Variants in ANGPT1 observed in about 807,000 individuals in gnomAD.
ANGPT1 encodes the protein angiopoietin-1.
ANGPT1 carries 17 observed loss-of-function variants against 62.2 expected under a neutral mutation model. The ratio of observed to expected loss-of-function variants is 0.27; its 90% CI spans 0.19 to 0.41. The LOEUF is 0.41. Among genes scored for constraint, ANGPT1 ranks in the 10% least tolerant of loss-of-function variants. The pLI, the probability that ANGPT1 is intolerant of heterozygous loss-of-function variation, is 1.00. For missense variants in ANGPT1, 478 were observed against 594.9 expected (o/e 0.80, Z 2.04); for synonymous variants, 199 against 198.9 (o/e 1.00, Z 0.00).
At chr8:107,339,504 T>A (rs1034706840) in intron 2 of ANGPT1, among the ~76,000 whole-genome samples, 1 of 152,186 alleles carries the variant, frequency 6.6e-6, no homozygotes, top group Non-Finnish European at 1.5e-5. Context: ...CTTCTCATCA[T>A]CTTAGAGAGT....
intron 8 of ANGPT1, among the ~76,000 whole-genome samples, chr8:107,258,310 C>T (rs796518370): frequency 3.9e-5 from 6 of 152,238 alleles, no homozygotes; most frequent in African/African-American, 1.4e-4. Flanking sequence ...AATTATCTAA[C>T]TTTTCTGTAT....
chr8:107,430,819 C>T (rs943991578), intron 1 of ANGPT1, among the ~76,000 whole-genome samples: 34 of 152,200 alleles, frequency 2.2e-4, no homozygotes, highest in African/African-American at 7.5e-4. Context: ...TGGTTGACTA[C>T]ATTTGAGACA....
intron 2 of ANGPT1, among the ~76,000 whole-genome samples, chr8:107,339,928 T>C (rs1815658553): frequency 6.6e-6 from 1 of 152,206 alleles, no homozygotes; most frequent in Non-Finnish European, 1.5e-5. Context: ...CCAGGCTAAA[T>C]GCCGATCTAA....
At chr8:107,390,535 G>A (rs1378049408) in intron 1 of ANGPT1, among the ~76,000 whole-genome samples, 3 of 152,122 alleles carry the variant, frequency 2.0e-5, no homozygotes, top group Non-Finnish European at 2.9e-5. Flanking sequence ...AAAATCATAC[G>A]TGGGATTAAA....
chr8:107,344,582 A>G (rs1815763766), intron 2 of ANGPT1, among the ~76,000 whole-genome samples: 1 of 152,232 alleles, frequency 6.6e-6, no homozygotes, highest in Non-Finnish European at 1.5e-5. Context: ...TTGTTAAGTC[A>G]TAAATCTAGA....
chr8:107,290,804 G>T (rs1167631391), intron 6 of ANGPT1, among the ~76,000 whole-genome samples: 2 of 152,122 alleles, frequency 1.3e-5, no homozygotes, highest in Admixed American at 1.3e-4. Flanking sequence ...CATAAAACAT[G>T]ATGATTAAAG....
intron 8 of ANGPT1, among the ~76,000 whole-genome samples, chr8:107,256,856 G>T (rs1302441686): frequency 1.3e-5 from 2 of 150,890 alleles, no homozygotes; most frequent in South Asian, 2.1e-4. Context: ...TTTTTTTTTT[G>T]TTTTGTTTTG....
At chr8:107,420,973 T>G (rs891921344) in intron 1 of ANGPT1, among the ~76,000 whole-genome samples, 3 of 152,124 alleles carry the variant, frequency 2.0e-5, no homozygotes, top group Non-Finnish European at 2.9e-5. Flanking sequence ...ATACATAAAT[T>G]GAAATTTATG....
chr8:107,394,301 A>T (rs1816891997), intron 1 of ANGPT1, among the ~76,000 whole-genome samples: 1 of 152,100 alleles, frequency 6.6e-6, no homozygotes, highest in Admixed American at 6.5e-5. Flanking sequence ...CTTCTAGTTG[A>T]CTCTTACTAG....
intron 1 of ANGPT1, among the ~76,000 whole-genome samples, chr8:107,449,407 C>CACAT (rs1190361244): frequency 2.4e-5 from 3 of 127,158 alleles, no homozygotes; most frequent in African/African-American, 8.6e-5. Flanking sequence ...CATGCACACA[C>CACAT]ACACACACAC....
intron 7 of ANGPT1, among the ~76,000 whole-genome samples, chr8:107,271,010 A>C (rs2130068696): frequency 6.6e-6 from 1 of 152,164 alleles, no homozygotes; most frequent in South Asian, 2.1e-4. Context: ...GTACAAAATA[A>C]GTACGAATGA....
At chr8:107,371,455 T>C (rs188266687) in intron 1 of ANGPT1, among the ~76,000 whole-genome samples, 71 of 152,228 alleles carry the variant, frequency 4.7e-4, no homozygotes, top group African/African-American at 1.7e-3. Context: ...GAAGCTTACA[T>C]ATGTGTTCTG....
At chr8:107,366,354 C>G (rs140891447) in intron 1 of ANGPT1, among the ~76,000 whole-genome samples, 261 of 152,278 alleles carry the variant, frequency 1.7e-3, no homozygotes, top group African/African-American at 6.1e-3. Flanking sequence ...TAATTCTTAT[C>G]ATATTACACC....
intron 1 of ANGPT1, among the ~76,000 whole-genome samples, chr8:107,396,519 T>C (rs1375954234): frequency 7.4e-6 from 1 of 135,436 alleles, no homozygotes; most frequent in African/African-American, 2.7e-5. Context: ...TTTTCTCTCT[T>C]TTTTTTTTTT....
At chr8:107,286,902 A>G (rs928497270) in intron 6 of ANGPT1, among the ~76,000 whole-genome samples, 1 of 152,162 alleles carries the variant, frequency 6.6e-6, no homozygotes, top group African/African-American at 2.4e-5. Context: ...CCTACTAAGG[A>G]GAAGAGCAAA....
intron 1 of ANGPT1, among the ~76,000 whole-genome samples, chr8:107,439,335 T>C (rs2130426660): frequency 6.6e-6 from 1 of 152,356 alleles, no homozygotes; most frequent in Middle Eastern, 3.4e-3. Context: ...ATAATAACTG[T>C]ATTGTACAAA....
rs1258142814 is a variant in ANGPT1 at position 107,251,261 on chromosome 8, G to A, written c.*594C>T. 1 of 152,444 alleles carries A rather than the reference G, an allele frequency of 6.6e-6. No homozygotes were observed. The highest frequency in any genetic ancestry group is 2.4e-5 in the African/African-American group (1 of 41,412). 9.4% of individuals were successfully genotyped at this position (152,444 alleles called of 1,614,324 possible). A position where few individuals can be genotyped will look rare whatever the true frequency, so the allele number is the denominator to read the frequency against. On this transcript the variant is annotated 3_prime_UTR_variant, in exon 9 of 9. Transcript: ENST00000517746. The stretch of plus-strand genomic sequence containing the variant: ...AAATGGAATTTTCATTTGAAGATGG[G>A]TAAGCAGAAATCAACTAGTAAGTAT...
intron 2 of ANGPT1, among the ~76,000 whole-genome samples, chr8:107,341,556 T>C (rs1271331320): frequency 6.7e-6 from 1 of 148,674 alleles, no homozygotes; most frequent in Non-Finnish European, 1.5e-5. Context: ...TAATTAATAT[T>C]ATATAACTAT....
At position 107,497,274 on chromosome 8, in the gene ANGPT1, C is replaced by G. The variant is rs141470954; in HGVS notation, c.285G>C (p.Gln95His). 6.6e-5 allele frequency: 107 copies of G among 1,613,142 alleles called. No individual in the cohort carries two copies. The African/African-American group carries it at 1.2e-3, about 18-fold the overall frequency. ...HLEHVMENYT[Q>H]WLQKLENYIV... ...AGCAATCACTTACTTTTTGCAGCCACTGAGTATAATTTTCCATCACATGTT... is the reference window on the plus strand; with the variant it reads ...AGCAATCACTTACTTTTTGCAGCCAGTGAGTATAATTTTCCATCACATGTT... Residue 95 changes from glutamine (Q) to histidine (H), a missense_variant, in exon 1 of 9, where the codon CAG (glutamine) becomes CAC (histidine). By Grantham distance (24) the Gln-to-His change is conservative. This residue lies in a region of ANGPT1 where 343 missense variants were observed against 355.4 expected (regional missense o/e 0.97). Coordinates refer to ENST00000517746, the MANE Select transcript of ANGPT1 (RefSeq NM_001146.5).
Sources: allele counts gnomAD v4.1 joint callset (sites outside exome capture counted in the v4.1 genomes callset), GRCh38; gene constraint gnomAD v4.1.1; regional missense constraint gnomAD v4.1.1; transcripts MANE v1.5; gene names NCBI Gene and HGNC (gene_info 2026-07-23, HGNC 2026-07-21).